KRT2: variants seen among roughly 807,000 people sequenced by gnomAD.
KRT2 encodes keratin, type II cytoskeletal 2 epidermal.
KRT2 carries 37 observed loss-of-function variants against 48.5 expected under a neutral mutation model. The ratio of observed to expected loss-of-function variants is 0.76; its 90% CI spans 0.59 to 1.00. KRT2 has a LOEUF of 1.00. KRT2 is among the 50% of genes least tolerant of loss of function. The pLI is 0.00. For synonymous variants in KRT2, 324 were observed against 312.2 expected, an observed-to-expected ratio of 1.04 and a Z score of -0.40; for missense variants, 880 against 815.2, an observed-to-expected ratio of 1.08 and a Z score of -0.97.
chr12:52,650,300 A>T lies in KRT2; in HGVS notation c.800+39T>A, dbSNP rs200889669. 62 of 1,553,806 alleles carry T rather than the reference A, an allele frequency of 4.0e-5. No individual in the cohort carries two copies. In the East Asian group the frequency reaches 1.2e-3, roughly 31 times the overall value. ...AGGGAGTGATCAAATGGCTCAGTGC[A>T]ATGTTTATCTCCACTCAGCGTTTCA... is the stretch of plus-strand genomic sequence containing the variant. On this transcript the variant is annotated intron_variant, in intron 2 of 8. Coordinates refer to ENST00000309680, the MANE Select transcript of KRT2 (RefSeq NM_000423.3).
At position 52,644,649 on chromosome 12, in the gene KRT2, A is replaced by G; in HGVS notation, c.*370T>C. 2 of 328,502 alleles carry G rather than the reference A, an allele frequency of 6.1e-6. No homozygotes were observed. Among genetic ancestry groups the G allele is most frequent in the Admixed American group, 4.5e-5 (1 of 22,208 alleles). 20.3% of individuals were successfully genotyped at this position (328,502 alleles called of 1,614,324 possible). On this transcript the variant is annotated 3_prime_UTR_variant, in exon 9 of 9. Transcript: ENST00000309680. ...AGAGGAGCTATATACACAGAAACAC[A>G]TTTCCCCCCAGCACTGCCAGGCTTA...
chr12:52,648,382 A>T (rs771029500), intron 4 of KRT2, 45 bp from the exon 5 acceptor site: 2 of 1,541,440 alleles, frequency 1.3e-6, no homozygotes, highest in South Asian at 1.1e-5. Context: ...TGCCATAGCT[A>T]CAGGCAGACA....
Position 52,649,002 on chromosome 12 carries a change from C to T in KRT2, c.957+5G>A, listed in dbSNP as rs758152943. 6.3e-7 allele frequency: 1 copy of T among 1,578,998 alleles called. No individual in the cohort carries two copies. The highest frequency in any genetic ancestry group is 1.1e-5 in the South Asian group (1 of 90,322). On this transcript the variant is annotated splice_donor_5th_base_variant and intron_variant, in intron 4 of 8. Transcript: ENST00000309680. The stretch of plus-strand genomic sequence containing the variant: ...TAAGGGACTGTCCCGGAGCAGCCTC[C>T]TTACCGCATCATAGAGAACTTTCAG...
chr12:52,644,993 G>A lies in KRT2; in HGVS notation c.*26C>T. The A allele has an allele frequency of 6.2e-7, 1 of 1,613,494 alleles. No homozygotes were observed. The highest frequency in any genetic ancestry group is 8.5e-7 in the Non-Finnish European group (1 of 1,179,464). On this transcript the variant is annotated 3_prime_UTR_variant, in exon 9 of 9. Coordinates refer to ENST00000309680, the MANE Select transcript of KRT2 (RefSeq NM_000423.3). The stretch of plus-strand genomic sequence containing the variant: ...TGGAGTGGGAGAGTCTGGGTTGGGA[G>A]AGTCGGTGGTGGTGGGGGCTCATCT...
chr12:52,649,952 G>C lies in KRT2; in HGVS notation c.823C>G (p.Arg275Gly), dbSNP rs2232551. Residue 275 changes from arginine (R) to glycine (G), a missense_variant, in exon 3 of 9, where the codon CGC (arginine) becomes GGC (glycine). Transcript: ENST00000309680. ...KKKYEDEINK[R>G]TAAENDFVTL... ...ACAAAATCATTCTCAGCAGCTGTGC[G>C]CTTATTGATTTCATCCTCATACCTA... The C allele has an allele frequency of 4.0e-5, 64 of 1,613,020 alleles. No individual in the cohort carries two copies. The East Asian group carries it at 1.4e-3, about 36-fold the overall frequency.
chr12:52,647,523 C>T (rs1195056511), intron 6 of KRT2, among the ~76,000 whole-genome samples: 2 of 152,206 alleles, frequency 1.3e-5, no homozygotes, highest in Admixed American at 6.5e-5. Flanking sequence ...TTCGATAATC[C>T]TTACTTTGGA....
chr12:52,647,632 T>G (rs890887205), intron 6 of KRT2, 98 bp downstream of exon 6: 2 of 1,394,024 alleles, frequency 1.4e-6, no homozygotes, highest in African/African-American at 1.4e-5. Flanking sequence ...AATATCTCAG[T>G]GTCTCTCATC....
chr12:52,644,757 C>G lies in KRT2; in HGVS notation c.*262G>C, dbSNP rs568581272. On this transcript the variant is annotated 3_prime_UTR_variant, in exon 9 of 9. Coordinates refer to ENST00000309680, the MANE Select transcript of KRT2 (RefSeq NM_000423.3). ...GCAATGCAAAGAGGCATGGTGGGGG[C>G]GGGAATGGGCATGGCTAGAAGCACA... is the stretch of plus-strand genomic sequence containing the variant. The G allele has an allele frequency of 3.7e-6, 2 of 536,812 alleles. No individual in the cohort carries two copies. The highest frequency in any genetic ancestry group is 6.7e-6 in the Non-Finnish European group (2 of 299,204). The allele number at this position is 536,812 out of a possible 1,614,324, so 33.3% of individuals were successfully genotyped here.
At position 52,649,013 on chromosome 12, in the gene KRT2, A is replaced by G; in HGVS notation, c.951T>C (p.Tyr317=). ...NQEIEFLKVL[Y]DAEISQIHQS... is the part of the protein sequence containing the mutation. ...CCCGGAGCAGCCTCCTTACCGCATC[A>G]TAGAGAACTTTCAGAAACTCAATTT... The change falls in exon 4 of 9, where the codon TAT becomes TAC. Residue 317 remains tyrosine, a synonymous_variant. Coordinates refer to ENST00000309680, the MANE Select transcript of KRT2 (RefSeq NM_000423.3). 2 of 1,601,014 alleles carry G rather than the reference A, an allele frequency of 1.2e-6. No individual in the cohort carries two copies. The highest frequency in any genetic ancestry group is 1.1e-5 in the South Asian group (1 of 90,818).
chr12:52,648,869 C>T lies in KRT2; in HGVS notation c.957+138G>A. 5.7e-6 allele frequency: 4 copies of T among 701,920 alleles called. No individual in the cohort carries two copies. The South Asian group carries it at 6.0e-5, about 10-fold the overall frequency. 43.5% of individuals were successfully genotyped at this position (701,920 alleles called of 1,614,324 possible). ...AAGACCTATGCTATGAAAGCCCCCCCAGTGGCCTGGAATGATGGCAGATTG... is the reference window on the plus strand; with the variant it reads ...AAGACCTATGCTATGAAAGCCCCCCTAGTGGCCTGGAATGATGGCAGATTG... On this transcript the variant is annotated intron_variant, in intron 4 of 8. Transcript: ENST00000309680.
rs765186409 is a variant in KRT2, at chr12:52,645,551, G to A, written c.1488C>T (p.Ser496=). The A allele has an allele frequency of 1.4e-5, 23 of 1,614,192 alleles. No homozygotes were observed. The highest frequency in any genetic ancestry group is 3.3e-5 in the Admixed American group (2 of 60,028). ...ATTACTTACACACAGTCACATTGCT[G>A]CTGAGGTCTCCAGACATCCTGTAAG... ...GEECRMSGDL[S]SNVTVSVTSS... Residue 496 remains serine, a synonymous_variant, in exon 8 of 9, where the codon AGC becomes AGT. Coordinates refer to ENST00000309680, the MANE Select transcript of KRT2 (RefSeq NM_000423.3).
In KRT2 at chr12:52,651,590, G is replaced by A; in HGVS notation, c.553C>T (p.Leu185Phe). Residue 185 changes from leucine (L) to phenylalanine (F), a missense_variant, in exon 1 of 9, where the codon CTC (leucine) becomes TTC (phenylalanine). Transcript: ENST00000309680. ...ATGAAGGAGGCAAATTTGTTGTTGA[G>A]AGTTTTGATCTGCTCACGCTCTTGG... ...KAQEREQIKT[L>F]NNKFASFIDK... 1 of 1,614,128 alleles carries A rather than the reference G, an allele frequency of 6.2e-7. No homozygotes were observed. The highest frequency in any genetic ancestry group is 8.5e-7 in the Non-Finnish European group (1 of 1,180,010).
At chr12:52,649,788 G>C (rs1049128774) in intron 3 of KRT2, 126 bp downstream of exon 3, 1 of 769,452 alleles carries the variant, frequency 1.3e-6, no homozygotes, top group Non-Finnish European at 2.4e-6. Context: ...ATGTGCCATG[G>C]GTCTCACTCC....
At chr12:52,650,611 C>A in intron 1 of KRT2, 58 bp from the exon 2 acceptor site, 3 of 1,443,436 alleles carry the variant, frequency 2.1e-6, no homozygotes, top group Non-Finnish European at 1.9e-6. Context: ...ACCAAGCAAG[C>A]CACGCTGGCC....
chr12:52,648,364 T>G, intron 4 of KRT2, 27 bp from the exon 5 acceptor site: 1 of 1,608,034 alleles, frequency 6.2e-7, no homozygotes, highest in South Asian at 1.1e-5. Context: ...GGTCTGGTCA[T>G]GACATCCTGC....
At chr12:52,651,446 T>C in intron 1 of KRT2, 112 bp downstream of exon 1, 3 of 872,810 alleles carry the variant, frequency 3.4e-6, no homozygotes, top group Non-Finnish European at 5.8e-6. Flanking sequence ...CCCAGGCTAC[T>C]GCGGTACACC....
chr12:52,651,680 CAG>C lies in KRT2; in HGVS notation c.461_462del (p.Ser154CysfsTer14). Reference sequence around the variant, plus strand: ...AGAGGCTGCAGGAGGCTCTGGTTGACAGAGACTTCGTGGATGCCACCAGGGTA... The same window carrying C: ...AGAGGCTGCAGGAGGCTCTGGTTGACAGACTTCGTGGATGCCACCAGGGTA... ...GGYPGGIHEV[S>X]VNQSLLQPLN... is the part of the protein sequence containing the mutation. On this transcript the variant is annotated frameshift_variant, in exon 1 of 9. Coordinates refer to ENST00000309680, the MANE Select transcript of KRT2 (RefSeq NM_000423.3). LOFTEE classifies it high-confidence loss of function. 6.2e-7 allele frequency: 1 copy of C among 1,614,138 alleles called. No individual in the cohort carries two copies.
chr12:52,651,987 G>T lies in KRT2; in HGVS notation c.156C>A (p.Gly52=). 1 of 1,612,942 alleles carries T rather than the reference G, an allele frequency of 6.2e-7. No individual in the cohort carries two copies. ...GACTGCCAAAGCCGCCTCCACCGAA[G>T]CCCCCGCCACCACCACCATGGCGGC... ...CLSRHGGGGG[G]FGGGGFGSRS... Residue 52 remains glycine (G), a synonymous_variant, in exon 1 of 9, where the codon GGC becomes GGA. Transcript: ENST00000309680.
chr12:52,644,950 A>G lies in KRT2; in HGVS notation c.*69T>C. On this transcript the variant is annotated 3_prime_UTR_variant, in exon 9 of 9. Coordinates refer to ENST00000309680, the MANE Select transcript of KRT2 (RefSeq NM_000423.3). The stretch of plus-strand genomic sequence containing the variant: ...AACTTGCTGCCAGTTAGAGGTACAG[A>G]GACAGGCTTCTACATTCTGGAGTGG... 1 of 1,563,864 alleles carries G rather than the reference A, an allele frequency of 6.4e-7. No individual in the cohort carries two copies. Among genetic ancestry groups the G allele is most frequent in the Non-Finnish European group, 8.8e-7 (1 of 1,135,964 alleles).
Sources: allele counts gnomAD v4.1 joint callset (sites outside exome capture counted in the v4.1 genomes callset), GRCh38; gene constraint gnomAD v4.1.1; transcripts MANE v1.5; gene names NCBI Gene and HGNC (gene_info 2026-07-23, HGNC 2026-07-21).